The following PDCD10 variants were observed in gnomAD, a reference collection of about 807,000 sequenced individuals.
The protein encoded by PDCD10 is programmed cell death protein 10.
A neutral mutation model predicts 29.2 loss-of-function variants in PDCD10; 4 were observed. That is an observed-to-expected ratio of 0.14 (90% CI 0.07 to 0.31). PDCD10 has a LOEUF of 0.31. Among genes scored for constraint, PDCD10 ranks in the 10% least tolerant of loss-of-function variants. The pLI is 1.00. For synonymous variants in PDCD10, 70 were observed against 82.2 expected (o/e 0.85, Z 0.80); for missense variants, 183 against 257.9 (o/e 0.71, Z 1.99).
intron 3 of PDCD10, among the ~76,000 whole-genome samples, chr3:167,713,247 C>T (rs1655364884): frequency 6.6e-6 from 1 of 151,900 alleles, no homozygotes; most frequent in Non-Finnish European, 1.5e-5. Flanking sequence ...TCTCTAAACA[C>T]AATCAAATAA....
chr3:167,695,016 T>A (rs1720655287), intron 6 of PDCD10, among the ~76,000 whole-genome samples: 1 of 152,190 alleles, frequency 6.6e-6, no homozygotes, highest in South Asian at 2.1e-4. Flanking sequence ...TTTCACTCAA[T>A]CCCCTACCCT....
intron 3 of PDCD10, among the ~76,000 whole-genome samples, chr3:167,708,980 A>G (rs1323389076): frequency 6.6e-6 from 1 of 152,204 alleles, no homozygotes; most frequent in Non-Finnish European, 1.5e-5. Context: ...AAATAAGGAA[A>G]CAGATAAGAT....
chr3:167,683,800 GT>G lies in PDCD10; in HGVS notation c.*507del, dbSNP rs978302820. On this transcript the variant is annotated 3_prime_UTR_variant, in exon 9 of 9. Transcript: ENST00000392750. ...AACTGCTGATAAGCTCCCATTAGAAGTTTTTTAGACATTACACCAAGTTGTC... is the reference window on the plus strand; with the variant it reads ...AACTGCTGATAAGCTCCCATTAGAAGTTTTTAGACATTACACCAAGTTGTC... 1 of 147,538 alleles carries G rather than the reference GT, an allele frequency of 6.8e-6. No homozygotes were observed. The highest frequency in any genetic ancestry group is 2.5e-5 in the African/African-American group (1 of 40,314). 9.1% of individuals were successfully genotyped at this position (147,538 alleles called of 1,614,324 possible).
At chr3:167,691,941 G>A (rs1428133445) in intron 6 of PDCD10, among the ~76,000 whole-genome samples, 2 of 152,142 alleles carry the variant, frequency 1.3e-5, no homozygotes, top group Non-Finnish European at 2.9e-5. Flanking sequence ...AATGTAAAGT[G>A]ATTAAAATAG....
chr3:167,714,998 G>C (rs1162752823), intron 3 of PDCD10, among the ~76,000 whole-genome samples: 1 of 151,420 alleles, frequency 6.6e-6, no homozygotes, highest in Non-Finnish European at 1.5e-5. Flanking sequence ...AACTGGAAGA[G>C]TCACACTGCC....
chr3:167,709,433 G>A (rs909811376), intron 3 of PDCD10, among the ~76,000 whole-genome samples: 3 of 152,142 alleles, frequency 2.0e-5, no homozygotes, highest in Non-Finnish European at 2.9e-5. Context: ...CTTGGGTGGA[G>A]AGAGCACAGC....
chr3:167,690,746 T>C (rs1379679248), intron 6 of PDCD10, among the ~76,000 whole-genome samples: 4 of 152,222 alleles, frequency 2.6e-5, no homozygotes, highest in Non-Finnish European at 5.9e-5. Flanking sequence ...CATGTACTGT[T>C]GAATGTATGC....
At chr3:167,717,773 G>A (rs779218426) in intron 3 of PDCD10, among the ~76,000 whole-genome samples, 1 of 151,942 alleles carries the variant, frequency 6.6e-6, no homozygotes, top group Non-Finnish European at 1.5e-5. Flanking sequence ...CTATACTTCT[G>A]AACATGCCTT....
intron 4 of PDCD10, among the ~76,000 whole-genome samples, chr3:167,700,505 A>T (rs1721288653): frequency 6.6e-6 from 1 of 152,104 alleles, no homozygotes; most frequent in African/African-American, 2.4e-5. Context: ...AAGGAAATTC[A>T]TGAAACAAAG....
intron 3 of PDCD10, among the ~76,000 whole-genome samples, chr3:167,710,017 C>T (rs769256166): frequency 6.6e-6 from 1 of 152,084 alleles, no homozygotes; most frequent in Non-Finnish European, 1.5e-5. Flanking sequence ...AGGGAAGGAT[C>T]CAATCCTGGC....
chr3:167,711,964 A>G (rs754990842), intron 3 of PDCD10, among the ~76,000 whole-genome samples: 1 of 152,158 alleles, frequency 6.6e-6, no homozygotes, highest in African/African-American at 2.4e-5. Context: ...AACAAATGAA[A>G]GCTGAAAGAT....
At position 167,701,179 on chromosome 3, in the gene PDCD10, G is replaced by A. The variant is rs150580857; in HGVS notation, c.150+3663C>T. Among the ~76,000 whole-genome samples, 331 of 152,142 alleles carry A rather than the reference G, an allele frequency of 2.2e-3. 2 individuals carry two copies. Among genetic ancestry groups the A allele is most frequent in the African/African-American group, 7.4e-3 (308 of 41,508 alleles). ...GGTACCATCAATGCGTTGTTTCTGCGGTTAGAAAGCATCTTGGCAGGAAGG... is the reference window on the plus strand; with the variant it reads ...GGTACCATCAATGCGTTGTTTCTGCAGTTAGAAAGCATCTTGGCAGGAAGG... On this transcript the variant is annotated intron_variant, in intron 4 of 8. Coordinates refer to ENST00000392750, the MANE Select transcript of PDCD10 (RefSeq NM_007217.4).
rs375826424 is a variant in PDCD10 at position 167,717,572 on chromosome 3, T to C, written c.96+2490A>G. On this transcript the variant is annotated intron_variant, in intron 3 of 8. Coordinates refer to ENST00000392750, the MANE Select transcript of PDCD10 (RefSeq NM_007217.4). ...CTATAAACACTAATGTTTAATTGATTAGGTATCTTATTTATATGTTATGTT... is the reference window on the plus strand; with the variant it reads ...CTATAAACACTAATGTTTAATTGATCAGGTATCTTATTTATATGTTATGTT... 2.3e-4 allele frequency among the ~76,000 whole-genome samples: 35 copies of C among 152,132 alleles called. No homozygotes were observed. The East Asian group carries it at 4.2e-3, about 18-fold the overall frequency.
chr3:167,730,848 AG>A, intron 2 of PDCD10: 1 of 152,324 alleles, frequency 6.6e-6, no homozygotes, highest in Non-Finnish European at 1.5e-5. Context: ...GAAAAGTATT[AG>A]AAAAATTTTC....
chr3:167,699,124 A>G (rs1057006939), intron 4 of PDCD10, among the ~76,000 whole-genome samples: 1 of 152,202 alleles, frequency 6.6e-6, no homozygotes, highest in Non-Finnish European at 1.5e-5. Context: ...GTGTGTGCCT[A>G]CTGGGCACTT....
intron 3 of PDCD10, among the ~76,000 whole-genome samples, chr3:167,707,417 G>A (rs1293430320): frequency 1.3e-5 from 2 of 152,220 alleles, no homozygotes; most frequent in East Asian, 3.9e-4. Flanking sequence ...GGTGGCTCAC[G>A]TCTGTAATCC....
At chr3:167,733,671 A>G (rs1392258283) in intron 2 of PDCD10, among the ~76,000 whole-genome samples, 1 of 152,228 alleles carries the variant, frequency 6.6e-6, no homozygotes, top group African/African-American at 2.4e-5. Flanking sequence ...ATTATTTGAA[A>G]AAAGTGTAGT....
At chr3:167,716,559 T>TA (rs1292943392) in intron 3 of PDCD10, among the ~76,000 whole-genome samples, 25 of 151,498 alleles carry the variant, frequency 1.7e-4, no homozygotes, top group Admixed American at 7.9e-4. Context: ...CACAAAAATT[T>TA]AAAAAAATTT....
chr3:167,697,091 G>A lies in PDCD10; in HGVS notation c.186C>T (p.Ile62=), dbSNP rs1331043723. The A allele has an allele frequency of 1.2e-6, 2 of 1,609,150 alleles. No homozygotes were observed. The highest frequency in any genetic ancestry group is 2.2e-5 in the South Asian group (2 of 90,974). ...TTTTTTTCTCTAAAATTTTCATAAT[G>A]ATGTCTTGTGTGAGACCTGGATTTT... ...EKENPGLTQD[I]IMKILEKKSV... Residue 62 remains isoleucine, a synonymous_variant, in exon 5 of 9, where the codon ATC becomes ATT. Transcript: ENST00000392750.
Sources: allele counts gnomAD v4.1 joint callset (sites outside exome capture counted in the v4.1 genomes callset), GRCh38; gene constraint gnomAD v4.1.1; transcripts MANE v1.5; gene names NCBI Gene and HGNC (gene_info 2026-07-23, HGNC 2026-07-21).